Variants in HADHB observed in about 807,000 individuals in gnomAD.
HADHB encodes the protein hydroxyacyl-CoA dehydrogenase trifunctional multienzyme complex subunit beta.
Under a neutral mutation model 61.9 loss-of-function variants are expected in HADHB, and 50 were observed. That is an observed-to-expected ratio of 0.81 (90% confidence interval 0.64 to 1.02). HADHB has a LOEUF of 1.02. Among genes scored for constraint, HADHB ranks in the 50% least tolerant of loss-of-function variants. HADHB has a pLI of 0.00. For missense variants in HADHB, 504 were observed against 586.5 expected (o/e 0.86, Z 1.45); for synonymous variants, 191 against 201.6 (o/e 0.95, Z 0.45).
At chr2:26,256,526 T>C (rs1347140059) in intron 3 of HADHB, among the ~76,000 whole-genome samples, 1 of 21,252 alleles carries the variant, frequency 4.7e-5, no homozygotes. Flanking sequence ...TTTCTCTCTG[T>C]GTATATATAT....
chr2:26,248,266 A>G (rs560464783), intron 1 of HADHB, among the ~76,000 whole-genome samples: 2 of 152,330 alleles, frequency 1.3e-5, no homozygotes, highest in Admixed American at 1.3e-4. Context: ...ACTGCCAAAC[A>G]GTATTCCATG....
intron 1 of HADHB, among the ~76,000 whole-genome samples, chr2:26,246,015 CAGAGT>C: frequency 6.6e-6 from 1 of 152,230 alleles, no homozygotes; most frequent in Middle Eastern, 3.4e-3. Context: ...AGTATAGAGA[CAGAGT>C]AGAGAGGTTT....
chr2:26,266,650 CG>C (rs1429748736), intron 4 of HADHB, among the ~76,000 whole-genome samples: 2 of 151,582 alleles, frequency 1.3e-5, no homozygotes, highest in Non-Finnish European at 2.9e-5. Context: ...GAGGCTGAGG[CG>C]GGCGGATCAC....
At chr2:26,263,298 TAAA>T (rs75496350) in intron 3 of HADHB, 79 bp from the exon 4 acceptor site, 629 of 699,638 alleles carry the variant, frequency 9.0e-4, no homozygotes, top group Middle Eastern at 1.3e-3. Flanking sequence ...GACTCCATCT[TAAA>T]AAAAAAAAAA....
At chr2:26,277,235 T>TTC in intron 7 of HADHB, 75 bp downstream of exon 7, 3 of 147,840 alleles carry the variant, frequency 2.0e-5, no homozygotes, top group Non-Finnish European at 2.6e-5. Flanking sequence ...AAAATGTACT[T>TTC]TTTTTTTTTT....
At chr2:26,282,464 G>T (rs770451656) in intron 10 of HADHB, among the ~76,000 whole-genome samples, 1 of 151,892 alleles carries the variant, frequency 6.6e-6, no homozygotes, top group Non-Finnish European at 1.5e-5. Context: ...GTTTCACCGC[G>T]TTAGCCAGGA....
chr2:26,286,839 A>C, intron 15 of HADHB, among the ~76,000 whole-genome samples: 1 of 141,004 alleles, frequency 7.1e-6, no homozygotes, highest in East Asian at 2.1e-4. Context: ...TTTAATCCCG[A>C]TGTGAACAGA....
intron 4 of HADHB, among the ~76,000 whole-genome samples, chr2:26,269,167 A>G (rs541713672): frequency 1.3e-5 from 2 of 150,446 alleles, no homozygotes; most frequent in South Asian, 2.1e-4. Context: ...AAAAAAAAAC[A>G]GCAGGGGGAA....
At chr2:26,257,189 C>T (rs1671650861) in intron 3 of HADHB, among the ~76,000 whole-genome samples, 1 of 149,272 alleles carries the variant, frequency 6.7e-6, no homozygotes. Context: ...GGCACAGTCT[C>T]GGCTCACTGC....
intron 4 of HADHB, among the ~76,000 whole-genome samples, chr2:26,266,569 A>G (rs1188804155): frequency 6.6e-6 from 1 of 152,036 alleles, no homozygotes; most frequent in Non-Finnish European, 1.5e-5. Context: ...GTGTGAGAGT[A>G]TGAGAATAAA....
chr2:26,278,749 G>T lies in HADHB; in HGVS notation c.578G>T (p.Gly193Val). 1.2e-6 allele frequency: 2 copies of T among 1,614,100 alleles called. 1 individual carries two copies. The highest frequency in any genetic ancestry group is 1.7e-6 in the Non-Finnish European group (2 of 1,179,990). Residue 193 changes from glycine to valine, a missense_variant, in exon 8 of 16, where the codon GGC becomes GTC. Coordinates refer to ENST00000317799, the MANE Select transcript of HADHB (RefSeq NM_000183.3). Reference sequence around the variant, plus strand: ...GATCTCAATAAGGCCAAATCTATGGGCCAGCGACTGTCTTTAATCTCTAAA... The same window carrying T: ...GATCTCAATAAGGCCAAATCTATGGTCCAGCGACTGTCTTTAATCTCTAAA... ...MLDLNKAKSM[G>V]QRLSLISKFR... is the part of the protein sequence containing the mutation.
chr2:26,262,849 G>C (rs1458816894), intron 3 of HADHB, among the ~76,000 whole-genome samples: 6 of 151,960 alleles, frequency 3.9e-5, no homozygotes, highest in Non-Finnish European at 7.4e-5. Flanking sequence ...CCTCATCATT[G>C]GATATAAGCT....
rs775576975 is a variant in HADHB at position 26,280,129 on chromosome 2, T to A, written c.933+14T>A. On this transcript the variant is annotated intron_variant, in intron 10 of 15. Transcript: ENST00000317799. The stretch of plus-strand genomic sequence containing the variant: ...TCTTCTTTCTTGGTAACTGTCAATG[T>A]TATTTGTATTTAGTAGTGACTTTTC... 6.2e-7 allele frequency: 1 copy of A among 1,603,382 alleles called. No individual in the cohort carries two copies. Among genetic ancestry groups the A allele is most frequent in the African/African-American group, 1.3e-5 (1 of 74,856 alleles).
At chr2:26,258,835 C>T (rs1273557013) in intron 3 of HADHB, among the ~76,000 whole-genome samples, 2 of 151,854 alleles carry the variant, frequency 1.3e-5, no homozygotes, top group Non-Finnish European at 2.9e-5. Flanking sequence ...TATTTCTTTA[C>T]CTCCTGCTTT....
intron 4 of HADHB, among the ~76,000 whole-genome samples, chr2:26,265,299 T>TA (rs1672030545): frequency 6.6e-6 from 1 of 152,086 alleles, no homozygotes; most frequent in South Asian, 2.1e-4. Flanking sequence ...TACTAGCTGT[T>TA]AAAAAATACA....
At chr2:26,278,314 T>C (rs1672640306) in intron 7 of HADHB, among the ~76,000 whole-genome samples, 1 of 152,266 alleles carries the variant, frequency 6.6e-6, no homozygotes, top group Non-Finnish European at 1.5e-5. Flanking sequence ...GCTGGGAGCA[T>C]ATAAATATGC....
Position 26,284,211 on chromosome 2 carries a change from A to C in HADHB, c.1149+7A>C. The C allele has an allele frequency of 7.1e-7, 1 of 1,402,654 alleles. No individual in the cohort carries two copies. The highest frequency in any genetic ancestry group is 2.3e-5 in the East Asian group (1 of 43,450). 86.9% of individuals were successfully genotyped at this position (1,402,654 alleles called of 1,614,324 possible). The stretch of plus-strand genomic sequence containing the variant: ...ATTTCATGAAGCTTTCTCGGTAAGT[A>C]ATTTGAAAGACACATATGAAGGGAC... On this transcript the variant is annotated splice_region_variant and intron_variant, in intron 13 of 15. Coordinates refer to ENST00000317799, the MANE Select transcript of HADHB (RefSeq NM_000183.3).
chr2:26,272,251 A>G (rs1331863241), intron 5 of HADHB, among the ~76,000 whole-genome samples: 1 of 151,802 alleles, frequency 6.6e-6, no homozygotes, highest in Non-Finnish European at 1.5e-5. Flanking sequence ...TATAATTTGC[A>G]TGCAATAAAG....
At chr2:26,289,793 T>C in intron 15 of HADHB, 125 bp from the exon 16 acceptor site, 1 of 780,330 alleles carries the variant, frequency 1.3e-6, no homozygotes, top group Non-Finnish European at 2.3e-6. Context: ...AAGATCACAG[T>C]GATTGATTGG....
Sources: allele counts gnomAD v4.1 joint callset (sites outside exome capture counted in the v4.1 genomes callset), GRCh38; gene constraint gnomAD v4.1.1; transcripts MANE v1.5; gene names NCBI Gene and HGNC (gene_info 2026-07-23, HGNC 2026-07-21).